The following FBXL17 variants were observed in gnomAD, a reference collection of about 807,000 sequenced individuals.
FBXL17 encodes F-box/LRR-repeat protein 17.
FBXL17 carries 22 observed loss-of-function variants against 66.2 expected under a neutral mutation model. That is an observed-to-expected ratio of 0.33 (90% confidence interval 0.24 to 0.47). The LOEUF (loss-of-function observed/expected upper bound fraction) is 0.47. Among genes scored for constraint, FBXL17 ranks in the 20% least tolerant of loss-of-function variants. The probability of loss-of-function intolerance (pLI) is 1.00; values close to 1 mark genes in which losing one functional copy is unlikely to be tolerated. For synonymous variants in FBXL17, 474 were observed against 400.5 expected (o/e 1.18, Z -2.19); for missense variants, 878 against 948.2 (o/e 0.93, Z 0.97).
At chr5:108,005,839 G>T (rs955925563) in intron 7 of FBXL17, among the ~76,000 whole-genome samples, 13 of 152,166 alleles carry the variant, frequency 8.5e-5, no homozygotes, top group Non-Finnish European at 1.5e-4. Flanking sequence ...AGGTGGTGGG[G>T]GCTTGAAGCT....
At chr5:107,887,443 T>C (rs749681729) in intron 7 of FBXL17, among the ~76,000 whole-genome samples, 1 of 152,216 alleles carries the variant, frequency 6.6e-6, no homozygotes, top group Non-Finnish European at 1.5e-5. Context: ...TCTTCTGCTA[T>C]GGATCTATGT....
intron 6 of FBXL17, among the ~76,000 whole-genome samples, chr5:108,138,108 T>C (rs1400537483): frequency 6.6e-6 from 1 of 152,218 alleles, no homozygotes; most frequent in Non-Finnish European, 1.5e-5. Context: ...AGATTGTTGG[T>C]AGGATAATGT....
chr5:108,182,942 T>C (rs1753065037), intron 6 of FBXL17, among the ~76,000 whole-genome samples: 3 of 152,102 alleles, frequency 2.0e-5, no homozygotes, highest in Non-Finnish European at 2.9e-5. Flanking sequence ...TTATCAATTA[T>C]AGTATCTCCC....
intron 4 of FBXL17, among the ~76,000 whole-genome samples, chr5:108,322,023 C>CA (rs908189990): frequency 1.3e-5 from 2 of 151,678 alleles, no homozygotes; most frequent in African/African-American, 4.8e-5. Flanking sequence ...GTCAAAATGG[C>CA]AAAAAATTGA....
At chr5:108,350,278 T>C (rs923875462) in intron 3 of FBXL17, among the ~76,000 whole-genome samples, 5 of 152,208 alleles carry the variant, frequency 3.3e-5, no homozygotes, top group African/African-American at 1.2e-4. Context: ...CAGCCTGACC[T>C]TGCCCTTTTT....
chr5:107,995,284 A>C (rs965656536), intron 7 of FBXL17, among the ~76,000 whole-genome samples: 7 of 152,232 alleles, frequency 4.6e-5, no homozygotes, highest in African/African-American at 1.7e-4. Flanking sequence ...AAATGATTCA[A>C]TGTTTTACAA....
intron 4 of FBXL17, among the ~76,000 whole-genome samples, chr5:108,245,459 C>T (rs188114337): frequency 2.0e-5 from 3 of 152,058 alleles, no homozygotes; most frequent in African/African-American, 7.2e-5. Flanking sequence ...ACAAGAAAAC[C>T]GATCATCAAA....
In FBXL17 at chr5:108,370,986, C is replaced by A. The variant is rs191559446; in HGVS notation, c.994-3033G>T. Among the ~76,000 whole-genome samples, 7 of 151,730 alleles carry A rather than the reference C, an allele frequency of 4.6e-5. No individual in the cohort carries two copies. The East Asian group carries it at 1.4e-3, about 29-fold the overall frequency. On this transcript the variant is annotated intron_variant, in intron 1 of 8. Transcript: ENST00000542267. ...TTTCCTGGGTTTTTTTTTCTTTAAT[C>A]CCCTAGTATGGAATTCAGGGTGGTC...
At chr5:108,202,780 C>T (rs551476291) in intron 5 of FBXL17, among the ~76,000 whole-genome samples, 2 of 152,214 alleles carry the variant, frequency 1.3e-5, no homozygotes, top group African/African-American at 2.4e-5. Context: ...CTAACAGTTT[C>T]GGCCTGTGGT....
At chr5:107,884,342 CAG>C in intron 7 of FBXL17, among the ~76,000 whole-genome samples, 1 of 152,236 alleles carries the variant, frequency 6.6e-6, no homozygotes, top group South Asian at 2.1e-4. Flanking sequence ...GGTAAGAAAA[CAG>C]AGGTTCAACA....
chr5:108,069,137 T>C (rs1748231828), intron 6 of FBXL17, among the ~76,000 whole-genome samples: 1 of 152,162 alleles, frequency 6.6e-6, no homozygotes, highest in Admixed American at 6.5e-5. Context: ...CCATGAGACA[T>C]GTTATTTTGG....
At chr5:108,245,507 T>G (rs1756054670) in intron 4 of FBXL17, among the ~76,000 whole-genome samples, 1 of 152,198 alleles carries the variant, frequency 6.6e-6, no homozygotes, top group South Asian at 2.1e-4. Flanking sequence ...TTTTTCATCA[T>G]GTCAGACAAA....
At chr5:108,154,686 CATATATATGTATATACATATATATGTGT>C (rs1751925336) in intron 6 of FBXL17, among the ~76,000 whole-genome samples, 3 of 139,378 alleles carry the variant, frequency 2.2e-5, no homozygotes, top group Non-Finnish European at 4.6e-5. Context: ...TATATATACA[CATATATATGTATATACATATATATGTGT>C]ATATATATGA....
intron 7 of FBXL17, among the ~76,000 whole-genome samples, chr5:107,892,584 C>T (rs1749231939): frequency 6.6e-6 from 1 of 152,070 alleles, no homozygotes; most frequent in Non-Finnish European, 1.5e-5. Flanking sequence ...ACATTTCCTA[C>T]AGTGAGTTTT....
chr5:108,183,314 C>G (rs1753085947), intron 6 of FBXL17, among the ~76,000 whole-genome samples: 1 of 152,150 alleles, frequency 6.6e-6, no homozygotes, highest in Non-Finnish European at 1.5e-5. Flanking sequence ...GCTAGGCTTA[C>G]AGGCGTGAGC....
In FBXL17 at chr5:107,965,689, T is replaced by C. The variant is rs530853771; in HGVS notation, c.1822+55236A>G. Among the ~76,000 whole-genome samples the C allele has an allele frequency of 1.0e-3, 156 of 152,312 alleles. 1 individual carries two copies. The highest frequency in any genetic ancestry group is 3.6e-3 in the African/African-American group (151 of 41,588). Reference sequence around the variant, plus strand: ...CCTGTTCCATTATTTAGCAAATGCTTCCTTCATAGGAAAAATTATACATGG... The same window carrying C: ...CCTGTTCCATTATTTAGCAAATGCTCCCTTCATAGGAAAAATTATACATGG... On this transcript the variant is annotated intron_variant, in intron 7 of 8. Coordinates refer to ENST00000542267, the MANE Select transcript of FBXL17 (RefSeq NM_001163315.3).
chr5:107,871,749 G>GAA (rs749231729), intron 8 of FBXL17, among the ~76,000 whole-genome samples: 1 of 102,036 alleles, frequency 9.8e-6, no homozygotes. Flanking sequence ...TCAGCAATTT[G>GAA]AAAAAAAAAA....
chr5:107,961,381 G>A (rs2416521), intron 7 of FBXL17, among the ~76,000 whole-genome samples: 4 of 151,616 alleles, frequency 2.6e-5, no homozygotes, highest in Non-Finnish European at 4.4e-5. Context: ...CATAACACCA[G>A]GCCTGGCTAA....
At chr5:108,086,923 C>A (rs556849718) in intron 6 of FBXL17, among the ~76,000 whole-genome samples, 1 of 152,246 alleles carries the variant, frequency 6.6e-6, no homozygotes, top group South Asian at 2.1e-4. Flanking sequence ...CCGTGGCATA[C>A]CACCAGATGG....
Sources: allele counts gnomAD v4.1 joint callset (sites outside exome capture counted in the v4.1 genomes callset), GRCh38; gene constraint gnomAD v4.1.1; transcripts MANE v1.5; gene names NCBI Gene and HGNC (gene_info 2026-07-23, HGNC 2026-07-21).